Variants in HUWE1 observed in about 807,000 individuals in gnomAD.
HUWE1 encodes E3 ubiquitin-protein ligase HUWE1.
A neutral mutation model predicts 299.4 loss-of-function variants in HUWE1; 18 were observed. The ratio of observed to expected loss-of-function variants is 0.06; its 90% CI spans 0.04 to 0.09. The LOEUF (loss-of-function observed/expected upper bound fraction) is 0.09, where lower values mean the gene tolerates loss of function less well. Among genes scored for constraint, HUWE1 ranks in the 10% least tolerant of loss-of-function variants. The probability of loss-of-function intolerance (pLI) is 1.00; values close to 1 mark genes in which losing one functional copy is unlikely to be tolerated. For missense variants in HUWE1, 1,832 were observed against 3,462.3 expected (o/e 0.53, Z 11.82); for synonymous variants, 1,317 against 1,286.1 (o/e 1.02, Z -0.51).
intron 25 of HUWE1, among the ~76,000 whole-genome samples, chrX:53,605,751 C>T (rs2065114247): frequency 9.0e-6 from 1 of 111,667 alleles, no homozygotes; most frequent in Non-Finnish European, 1.9e-5. Context: ...TTTTGGAGGT[C>T]TCACTCTTTT....
intron 18 of HUWE1, 144 bp from the exon 19 acceptor site, chrX:53,624,819 T>A: frequency 2.0e-6 from 1 of 494,388 alleles, no homozygotes; most frequent in South Asian, 3.0e-5. Flanking sequence ...CCCAGTTGTC[T>A]CCTCCTATTT....
At chrX:53,577,217 A>T in intron 43 of HUWE1, 150 bp from the exon 44 acceptor site, 1 of 492,298 alleles carries the variant, frequency 2.0e-6, no homozygotes, top group Non-Finnish European at 3.6e-6. Context: ...CTACTATAAA[A>T]CCTGGTTTAT....
At chrX:53,534,742 A>T (rs2060926056) in intron 81 of HUWE1, 45 bp from the exon 82 acceptor site, 1 of 1,123,604 alleles carries the variant, frequency 8.9e-7, no homozygotes, top group Non-Finnish European at 1.2e-6. Flanking sequence ...AACTCACACA[A>T]CCGTAGAGGT....
intron 43 of HUWE1, among the ~76,000 whole-genome samples, chrX:53,579,352 C>A (rs1365989168): frequency 9.4e-6 from 1 of 106,656 alleles, no homozygotes; most frequent in Non-Finnish European, 2.0e-5. Context: ...CCCGGCCAGC[C>A]GCCCCATCCG....
At position 53,614,683 on chromosome X, in the gene HUWE1, G is replaced by A; in HGVS notation, c.2112C>T (p.Ile704=). 1 of 1,208,255 alleles carries A rather than the reference G, an allele frequency of 8.3e-7. No individual in the cohort carries two copies. Among genetic ancestry groups the A allele is most frequent in the Non-Finnish European group, 1.1e-6 (1 of 892,493 alleles). The part of the protein sequence containing the change: ...DPKYICQKPS[I]QKADGTATAP... ...CAGTGGCAGTGCCATCTGCCTTCTG[G>A]ATTGATGGCTTCTGACAGATGTATT... The change falls in exon 23 of 84, where the codon ATC becomes ATT. Residue 704 remains isoleucine (I), a synonymous_variant. Coordinates refer to ENST00000262854, the MANE Select transcript of HUWE1 (RefSeq NM_031407.7).
Position 53,575,224 on chromosome X carries a change from G to A in HUWE1, c.6031-3C>T. The A allele has an allele frequency of 8.4e-7, 1 of 1,188,501 alleles. No individual in the cohort carries two copies. The highest frequency in any genetic ancestry group is 1.8e-5 in the South Asian group (1 of 55,393). On this transcript the variant is annotated splice_polypyrimidine_tract_variant and splice_region_variant and intron_variant, in intron 45 of 83. Transcript: ENST00000262854. ...CCATCTGCAGCAAAGACCTGACTCT[G>A]AAGAAGAAGAAAACTCCTGAGCTAT...
At chrX:53,591,798 G>C (rs1047802315) in intron 33 of HUWE1, among the ~76,000 whole-genome samples, 5 of 111,894 alleles carry the variant, frequency 4.5e-5, no homozygotes, top group Non-Finnish European at 9.4e-5. Flanking sequence ...TTGGTAATGA[G>C]AGTATTTATT....
chrX:53,658,349 A>G (rs1557043896), intron 3 of HUWE1, among the ~76,000 whole-genome samples: 1 of 111,762 alleles, frequency 8.9e-6, no homozygotes, highest in African/African-American at 3.3e-5. Context: ...AGTTATATGA[A>G]TACTGACAAA....
intron 19 of HUWE1, among the ~76,000 whole-genome samples, chrX:53,619,585 TAGA>T (rs2066001624): frequency 8.8e-5 from 1 of 11,389 alleles, no homozygotes; most frequent in African/African-American, 5.4e-4. Flanking sequence ...ATCAGAGAAA[TAGA>T]AGAAAAAAAA....
rs192615463 is a variant in HUWE1 at position 53,658,240 on chromosome X, G to A, written c.-24-4109C>T. On this transcript the variant is annotated intron_variant, in intron 3 of 83. Coordinates refer to ENST00000262854, the MANE Select transcript of HUWE1 (RefSeq NM_031407.7). ...AAATCAAAGAACAATTAAATGGAGA[G>A]ATATTCCAAGTCCATGGATAGGAAG... Among the ~76,000 whole-genome samples, 954 of 110,696 alleles carry A rather than the reference G, an allele frequency of 8.6e-3. 5 individuals carry two copies. Among genetic ancestry groups the A allele is most frequent in the Non-Finnish European group, 0.014 (730 of 52,885 alleles).
chrX:53,675,163 C>T (rs1174929656), intron 3 of HUWE1, among the ~76,000 whole-genome samples: 2 of 110,398 alleles, frequency 1.8e-5, no homozygotes, highest in African/African-American at 6.6e-5. Flanking sequence ...TTTTATGTAC[C>T]AAGTACATTA....
At chrX:53,609,006 C>CTATT (rs782666879) in intron 23 of HUWE1, 97 bp from the exon 24 acceptor site, 4 of 564,333 alleles carry the variant, frequency 7.1e-6, no homozygotes, top group Admixed American at 4.8e-5. Context: ...AGGCCTTTTT[C>CTATT]TATTTATTTA....
At chrX:53,647,896 T>A (rs1557037184) in intron 5 of HUWE1, among the ~76,000 whole-genome samples, 1 of 112,225 alleles carries the variant, frequency 8.9e-6, no homozygotes, top group Non-Finnish European at 1.9e-5. Flanking sequence ...ATCAGAAAAA[T>A]TCATTTTTAG....
chrX:53,559,308 G>A (rs1556938589), intron 57 of HUWE1, 46 bp downstream of exon 57: 1 of 1,169,522 alleles, frequency 8.6e-7, no homozygotes, highest in Non-Finnish European at 1.2e-6. Context: ...CAGGGAAAAA[G>A]TAGAATCTGA....
intron 33 of HUWE1, 121 bp downstream of exon 33, chrX:53,592,277 T>C: frequency 1.8e-6 from 1 of 562,369 alleles, no homozygotes; most frequent in Non-Finnish European, 3.1e-6. Context: ...GGAGGAAATC[T>C]AAACTGTCTC....
intron 37 of HUWE1, among the ~76,000 whole-genome samples, chrX:53,588,070 CT>C (rs1200519263): frequency 1.8e-5 from 2 of 110,428 alleles, no homozygotes; most frequent in African/African-American, 6.6e-5. Flanking sequence ...AATTTAAATA[CT>C]TTTTTTTTAA....
At chrX:53,670,417 G>T (rs2069462457) in intron 3 of HUWE1, among the ~76,000 whole-genome samples, 1 of 111,268 alleles carries the variant, frequency 9.0e-6, no homozygotes, top group African/African-American at 3.3e-5. Flanking sequence ...TGTTACCATG[G>T]ATATGTTATT....
intron 28 of HUWE1, among the ~76,000 whole-genome samples, chrX:53,602,315 G>A (rs1243176332): frequency 2.1e-5 from 2 of 93,265 alleles, no homozygotes; most frequent in Non-Finnish European, 4.2e-5. Context: ...GAAAAAAGAC[G>A]GGCAGACACT....
intron 13 of HUWE1, 94 bp from the exon 14 acceptor site, chrX:53,628,996 G>A (rs1253525616): frequency 1.4e-6 from 1 of 733,488 alleles, no homozygotes. Flanking sequence ...TAAAATATAA[G>A]TCATTCTACT....
Sources: gnomAD v4.1 joint callset for allele counts (sites outside exome capture counted in the v4.1 genomes callset) on GRCh38, gnomAD v4.1.1 for gene constraint, MANE v1.5 for transcripts, NCBI Gene and HGNC (gene_info 2026-07-23, HGNC 2026-07-21) for gene names.